PAX2: variants seen among roughly 807,000 people sequenced by gnomAD.
PAX2 encodes the protein paired box 2, also known as paired box protein Pax-2.
A neutral mutation model predicts 41.7 loss-of-function variants in PAX2; 9 were observed. The ratio of observed to expected loss-of-function variants is 0.22; its 90% CI spans 0.13 to 0.38. The LOEUF is 0.38. Ranked by LOEUF, PAX2 falls within the 10% of genes least tolerant of loss-of-function variation. The probability of loss-of-function intolerance (pLI) is 1.00; values close to 1 mark genes in which losing one functional copy is unlikely to be tolerated. For missense variants in PAX2, 418 were observed against 531.6 expected, an observed-to-expected ratio of 0.79 and a Z score of 2.10; for synonymous variants, 221 against 212.7, an observed-to-expected ratio of 1.04 and a Z score of -0.34.
chr10:100,824,913 G>A lies in PAX2; in HGVS notation c.1021+164G>A, dbSNP rs1848497853. ...CTCTCTCTCCTTAGAGGCTGCAGTT[G>A]GTCCCTCATCCTCCCTCATGAGCAA... On this transcript the variant is annotated intron_variant, in intron 8 of 9. Coordinates refer to ENST00000355243, the MANE Select transcript of PAX2 (RefSeq NM_000278.5). This position sits in a 1 kb window ranked among gnomAD's most constrained non-coding sequence, Gnocchi z 6.6. The A allele has an allele frequency of 6.2e-7, 1 of 1,613,730 alleles. No individual in the cohort carries two copies. The highest frequency in any genetic ancestry group is 1.7e-5 in the Admixed American group (1 of 59,998).
chr10:100,784,806 A>G (rs555641535), intron 5 of PAX2, among the ~76,000 whole-genome samples: 1 of 152,296 alleles, frequency 6.6e-6, no homozygotes, highest in African/African-American at 2.4e-5. Flanking sequence ...ACTCTGGGGA[A>G]AAACTGGCAG....
intron 5 of PAX2, among the ~76,000 whole-genome samples, chr10:100,787,621 G>A (rs939513090): frequency 2.6e-5 from 4 of 152,094 alleles, no homozygotes; most frequent in Non-Finnish European, 2.9e-5. Flanking sequence ...TTTTCCCAAC[G>A]CTGGGCAGGG....
intron 1 of PAX2, among the ~76,000 whole-genome samples, chr10:100,736,719 TC>T (rs1844785959): frequency 6.6e-6 from 1 of 152,056 alleles, no homozygotes; most frequent in Non-Finnish European, 1.5e-5. Flanking sequence ...TAGGGCCTTG[TC>T]CCCACTGGGA....
rs1471764663 is a variant in PAX2, at chr10:100,809,190, G to T, written c.873G>T (p.Glu291Asp). ...KSSLSASTNPELGSNVSGTQT... is the reference protein window; with the variant it reads ...KSSLSASTNPDLGSNVSGTQT... Reference sequence around the variant, plus strand: ...GTCTATCTGCATCCACCAACCCTGAGCTGGGCAGCAACGTGTCAGGCACAC... The same window carrying T: ...GTCTATCTGCATCCACCAACCCTGATCTGGGCAGCAACGTGTCAGGCACAC... Residue 291 changes from glutamate to aspartate, a missense_variant, in exon 7 of 10, where the codon GAG (glutamate) becomes GAT (aspartate). Transcript: ENST00000355243. The T allele has an allele frequency of 2.5e-5, 41 of 1,613,878 alleles. No individual in the cohort carries two copies. Among genetic ancestry groups the T allele is most frequent in the Non-Finnish European group, 3.1e-5 (36 of 1,179,914 alleles).
In PAX2 at chr10:100,772,242, A is replaced by G. The variant is rs1336643580; in HGVS notation, c.411-7256A>G. 3.7e-4 allele frequency among the ~76,000 whole-genome samples: 56 copies of G among 151,802 alleles called. 2 individuals carry two copies. Among genetic ancestry groups the G allele is most frequent in the Admixed American group, 3.7e-3 (56 of 15,248 alleles). ...TCGTGGGTTCCACTTCACCACTGCA[A>G]TCGTGGGTTTGAGAGATTCTCCCAC... On this transcript the variant is annotated intron_variant, in intron 3 of 9. Transcript: ENST00000355243.
At chr10:100,747,759 C>G in intron 1 of PAX2, 4 of 984,798 alleles carry the variant, frequency 4.1e-6, no homozygotes, top group Non-Finnish European at 3.6e-6. Context: ...ATCAGGCCTC[C>G]GCGGGTCTCG....
chr10:100,789,247 A>G (rs1847003371), intron 5 of PAX2, among the ~76,000 whole-genome samples: 1 of 152,222 alleles, frequency 6.6e-6, no homozygotes, highest in Admixed American at 6.5e-5. Flanking sequence ...TTGAGGTTAC[A>G]GGCACCTGCC....
chr10:100,750,713 A>C lies in PAX2; in HGVS notation c.232A>C (p.Ile78Leu). Residue 78 changes from isoleucine (I) to leucine (L), a missense_variant, in exon 3 of 10, where the codon ATC becomes CTC. This residue lies in a region of PAX2 where 108 missense variants were observed against 206.3 expected (regional missense o/e 0.52). Transcript: ENST00000355243. The surrounding 1 kb of genome is among the most constrained non-coding windows in gnomAD (Gnocchi z 4.1). Reference sequence around the variant, plus strand: ...GCGCAGGTACTACGAGACCGGCAGCATCAAGCCGGGTGTGATCGGTGGCTC... The same window carrying C: ...GCGCAGGTACTACGAGACCGGCAGCCTCAAGCCGGGTGTGATCGGTGGCTC... ...ILGRYYETGS[I>L]KPGVIGGSKP... The C allele has an allele frequency of 6.2e-7, 1 of 1,614,192 alleles. No individual in the cohort carries two copies. Among genetic ancestry groups the C allele is most frequent in the Non-Finnish European group, 8.5e-7 (1 of 1,180,044 alleles).
At position 100,750,270 on chromosome 10, in the gene PAX2, G is replaced by C. The variant is rs1845388293; in HGVS notation, c.212+356G>C. ...GAGTGAAAATGGGTCCCCGAGAGGA[G>C]AAGCAGCAGCATTTGGGAGGCAGAA... On this transcript the variant is annotated intron_variant, in intron 2 of 9. Transcript: ENST00000355243. This position sits in a 1 kb window ranked among gnomAD's most constrained non-coding sequence, Gnocchi z 4.1. Among the ~76,000 whole-genome samples, 1 of 152,126 alleles carries C rather than the reference G, an allele frequency of 6.6e-6. No individual in the cohort carries two copies. The highest frequency in any genetic ancestry group is 1.5e-5 in the Non-Finnish European group (1 of 68,022).
At chr10:100,749,506 C>T (rs1043276737) in intron 1 of PAX2, 3 of 1,341,422 alleles carry the variant, frequency 2.2e-6, no homozygotes, top group Non-Finnish European at 2.9e-6. Flanking sequence ...TTGCTTTCTA[C>T]CTTGCGTCGC....
chr10:100,748,527 TC>T lies in PAX2; in HGVS notation c.44-1217del, dbSNP rs1185767815. The T allele has an allele frequency of 7.1e-6, 7 of 985,282 alleles. No individual in the cohort carries two copies. The highest frequency in any genetic ancestry group is 8.4e-6 in the Non-Finnish European group (7 of 829,902). 61.0% of individuals were successfully genotyped at this position (985,282 alleles called of 1,614,324 possible). ...CGGGGCAGGGGCTGCAGCTTGCCAGTCCGGGCCGACCCGACTCGGCCGCTAG... is the reference window on the plus strand; with the variant it reads ...CGGGGCAGGGGCTGCAGCTTGCCAGTCGGGCCGACCCGACTCGGCCGCTAG... On this transcript the variant is annotated intron_variant, in intron 1 of 9. Coordinates refer to ENST00000355243, the MANE Select transcript of PAX2 (RefSeq NM_000278.5). This position sits in a 1 kb window ranked among gnomAD's most constrained non-coding sequence, Gnocchi z 5.0.
At chr10:100,736,943 C>T (rs1214732557) in intron 1 of PAX2, among the ~76,000 whole-genome samples, 1 of 152,206 alleles carries the variant, frequency 6.6e-6, no homozygotes, top group Non-Finnish European at 1.5e-5. Context: ...CCCCCTCGAC[C>T]GTATAAATAT....
At chr10:100,755,249 G>T (rs1845587644) in intron 3 of PAX2, among the ~76,000 whole-genome samples, 1 of 152,194 alleles carries the variant, frequency 6.6e-6, no homozygotes, top group South Asian at 2.1e-4. Context: ...CAGTCCTGTT[G>T]GTCTGACTGT....
At chr10:100,740,384 G>A (rs1258721529) in intron 1 of PAX2, among the ~76,000 whole-genome samples, 1 of 152,180 alleles carries the variant, frequency 6.6e-6, no homozygotes, top group Non-Finnish European at 1.5e-5. Flanking sequence ...ATAGACAGAG[G>A]GAAGAACGAT....
chr10:100,803,831 C>T (rs1369768780), intron 5 of PAX2, among the ~76,000 whole-genome samples: 2 of 152,096 alleles, frequency 1.3e-5, no homozygotes, highest in African/African-American at 4.8e-5. Flanking sequence ...TTCCCTCCCC[C>T]TTCCCCTCCT....
chr10:100,810,600 C>T lies in PAX2; in HGVS notation c.919+1364C>T, dbSNP rs920734987. On this transcript the variant is annotated intron_variant, in intron 7 of 9. Transcript: ENST00000355243. ...GGTATTCTGACCCAAGGCAGAGAGA[C>T]GGCCCAGGCCAGGCCACCTTTCTCC... 5.3e-5 allele frequency among the ~76,000 whole-genome samples: 8 copies of T among 152,234 alleles called. 1 individual carries two copies. Among genetic ancestry groups the T allele is most frequent in the African/African-American group, 1.4e-4 (6 of 41,464 alleles).
intron 3 of PAX2, among the ~76,000 whole-genome samples, chr10:100,768,925 G>T (rs777529097): frequency 1.3e-5 from 2 of 152,170 alleles, no homozygotes; most frequent in African/African-American, 4.8e-5. Flanking sequence ...AGTTGAATTC[G>T]AATGAGAAAA....
At chr10:100,796,535 C>T (rs1847345370) in intron 5 of PAX2, among the ~76,000 whole-genome samples, 1 of 152,170 alleles carries the variant, frequency 6.6e-6, no homozygotes, top group African/African-American at 2.4e-5. Flanking sequence ...CCCCCACTCC[C>T]ACTCCCTTTA....
At chr10:100,801,540 C>T (rs4919494) in intron 5 of PAX2, among the ~76,000 whole-genome samples, 78,189 of 152,152 alleles carry the variant, frequency 0.51, 23,891 homozygotes, top group East Asian at 0.91. Context: ...ATGGCCCAGT[C>T]CTGGGAGTCC....
Sources: gnomAD v4.1 joint callset for allele counts (sites outside exome capture counted in the v4.1 genomes callset) on GRCh38, gnomAD v4.1.1 for gene constraint, gnomAD v4.1.1 regional missense constraint, Gnocchi (gnomAD v3.1) non-coding constraint, MANE v1.5 for transcripts, NCBI Gene and HGNC (gene_info 2026-07-23, HGNC 2026-07-21) for gene names.